Variants in HEPH observed in about 807,000 individuals in gnomAD.
HEPH encodes hephaestin.
Under a neutral mutation model 80.8 loss-of-function variants are expected in HEPH, and 69 were observed. That is an observed-to-expected ratio of 0.85 (90% CI 0.70 to 1.04). HEPH has a LOEUF of 1.04. Among genes scored for constraint, HEPH ranks in the 50% least tolerant of loss-of-function variants. The pLI is 0.00. For missense variants in HEPH, 1,115 were observed against 891.3 expected, an observed-to-expected ratio of 1.25 and a Z score of -3.20; for synonymous variants, 431 against 322.8, an observed-to-expected ratio of 1.34 and a Z score of -3.60.
chrX:66,165,078 C>T (rs1315636236), intron 1 of HEPH, among the ~76,000 whole-genome samples: 1 of 111,678 alleles, frequency 9.0e-6, no homozygotes, highest in Non-Finnish European at 1.9e-5. Context: ...AAGATGGTTT[C>T]TAAAGGTTTC....
chrX:66,232,588 A>G (rs1454645305), intron 15 of HEPH, among the ~76,000 whole-genome samples: 1 of 111,111 alleles, frequency 9.0e-6, no homozygotes, highest in Non-Finnish European at 1.9e-5. Context: ...ATGTGGTGCA[A>G]TGGGGGCATA....
Position 66,192,313 on chromosome X carries a change from G to A in HEPH, c.1232+15G>A. The A allele has an allele frequency of 2.5e-6, 3 of 1,183,824 alleles. No homozygotes were observed. Among genetic ancestry groups the A allele is most frequent in the South Asian group, 1.8e-5 (1 of 54,551 alleles). The stretch of plus-strand genomic sequence containing the variant: ...GAGCCAGGCAGGTAAGAGGCAGTGG[G>A]ATCCCTCTCTTTAATTCTTTAATTG... On this transcript the variant is annotated intron_variant, in intron 7 of 20. Coordinates refer to ENST00000343002, the MANE Select transcript of HEPH (RefSeq NM_001367233.3).
intron 6 of HEPH, 37 bp downstream of exon 6, chrX:66,189,975 G>C (rs751534885): frequency 7.9e-6 from 9 of 1,142,873 alleles, no homozygotes; most frequent in Middle Eastern, 2.4e-4. Flanking sequence ...GGTTGTAAGA[G>C]AGAGGTATGA....
intron 15 of HEPH, among the ~76,000 whole-genome samples, chrX:66,234,133 C>T (rs2148033139): frequency 9.0e-6 from 1 of 110,920 alleles, no homozygotes; most frequent in Non-Finnish European, 1.9e-5. Flanking sequence ...TATCATTTAG[C>T]TCCCACTTAT....
At position 66,200,800 on chromosome X, in the gene HEPH, C is replaced by T. The variant is rs201505891; in HGVS notation, c.2077+48C>T. The stretch of plus-strand genomic sequence containing the variant: ...CTAGAGGCTTTGTTGGGTATAGGGC[C>T]AGGAATGGGGTCGGGAAGAGGGAGG... On this transcript the variant is annotated intron_variant, in intron 12 of 20. Coordinates refer to ENST00000343002, the MANE Select transcript of HEPH (RefSeq NM_001367233.3). The T allele has an allele frequency of 4.9e-5, 50 of 1,020,533 alleles. No homozygotes were observed. In the Admixed American group the frequency reaches 1.1e-3, roughly 23 times the overall value. The allele number at this position is 1,020,533 out of a possible 1,213,427, so 84.1% of individuals were successfully genotyped here.
intron 15 of HEPH, among the ~76,000 whole-genome samples, chrX:66,214,144 C>A (rs767668540): frequency 1.8e-5 from 2 of 111,561 alleles, no homozygotes; most frequent in South Asian, 7.6e-4. Flanking sequence ...TGAGAGTCAT[C>A]AGCATGTAGA....
At chrX:66,251,467 AT>A (rs1054473631) in intron 15 of HEPH, among the ~76,000 whole-genome samples, 1 of 112,036 alleles carries the variant, frequency 8.9e-6, no homozygotes, top group African/African-American at 3.2e-5. Flanking sequence ...TTTAACATCT[AT>A]CATATGTTTA....
Position 66,164,330 on chromosome X carries a change from T to C in HEPH, c.-154T>C. 1.3e-6 allele frequency: 1 copy of C among 753,799 alleles called. No homozygotes were observed. 62.1% of individuals were successfully genotyped at this position (753,799 alleles called of 1,213,427 possible). A position where few individuals can be genotyped will look rare whatever the true frequency, so the allele number is the denominator to read the frequency against. On this transcript the variant is annotated 5_prime_UTR_variant, in exon 1 of 21. Transcript: ENST00000343002. ...TCCCATCCCAGTAAACCCTGCCAAA[T>C]TGGAATCCTGGACTTAATTTAGGAG...
chrX:66,225,653 C>A (rs563830046), intron 15 of HEPH, among the ~76,000 whole-genome samples: 2 of 112,531 alleles, frequency 1.8e-5, no homozygotes, highest in South Asian at 7.4e-4. Context: ...CAGGGGCCTG[C>A]CATGCGCTGC....
rs1308465663 is a variant in HEPH, at chrX:66,256,120, C to T, written c.2686C>T (p.Leu896=). The change falls in exon 17 of 21, where the codon CTG becomes TTG. Residue 896 remains leucine (L), a synonymous_variant. Transcript: ENST00000343002. ...VDPIKDMYSG[L]VGPLAICQKG... ...CCTTCCTCAGGACATGTATAGTGGC[C>T]TGGTGGGGCCCTTGGCTATCTGCCA... 8.3e-7 allele frequency: 1 copy of T among 1,208,775 alleles called. No homozygotes were observed. Among genetic ancestry groups the T allele is most frequent in the Non-Finnish European group, 1.1e-6 (1 of 893,110 alleles).
chrX:66,227,830 G>T (rs914422924), intron 15 of HEPH, among the ~76,000 whole-genome samples: 1 of 111,117 alleles, frequency 9.0e-6, no homozygotes, highest in Non-Finnish European at 1.9e-5. Context: ...TGGGTAATGT[G>T]ATTCCTCCAG....
Position 66,263,629 on chromosome X carries a change from T to C in HEPH, c.3200-15T>C. The C allele has an allele frequency of 8.3e-7, 1 of 1,209,595 alleles. No homozygotes were observed. Among genetic ancestry groups the C allele is most frequent in the Non-Finnish European group, 1.1e-6 (1 of 894,001 alleles). On this transcript the variant is annotated splice_polypyrimidine_tract_variant and intron_variant, in intron 19 of 20. Coordinates refer to ENST00000343002, the MANE Select transcript of HEPH (RefSeq NM_001367233.3). ...ACAATAAGGCTAACCTCTTGTCTTT[T>C]TTCCCCCCAACCAGAACACTTAAGC...
intron 13 of HEPH, among the ~76,000 whole-genome samples, chrX:66,204,900 G>C (rs935348149): frequency 8.9e-6 from 1 of 111,835 alleles, no homozygotes; most frequent in Non-Finnish European, 1.9e-5. Context: ...TAGGGCCCAA[G>C]TGAGAATGGT....
At chrX:66,211,647 C>T (rs2089127454) in intron 15 of HEPH, among the ~76,000 whole-genome samples, 1 of 111,563 alleles carries the variant, frequency 9.0e-6, no homozygotes, top group African/African-American at 3.3e-5. Context: ...CATTTCCATC[C>T]ATGTTGCTGC....
intron 15 of HEPH, among the ~76,000 whole-genome samples, chrX:66,243,798 G>A (rs2090700770): frequency 8.9e-6 from 1 of 112,353 alleles, no homozygotes; most frequent in Admixed American, 9.4e-5. Context: ...GTGGTCATTG[G>A]TAAGGGTCTT....
intron 8 of HEPH, 94 bp downstream of exon 8, chrX:66,193,732 T>C (rs1277142805): frequency 6.9e-5 from 42 of 605,502 alleles, no homozygotes; most frequent in Non-Finnish European, 9.5e-5. Context: ...TAGGAGCACA[T>C]TGTAGACCAG....
intron 9 of HEPH, among the ~76,000 whole-genome samples, chrX:66,196,704 C>G (rs1334487242): frequency 8.9e-6 from 1 of 111,824 alleles, no homozygotes; most frequent in Non-Finnish European, 1.9e-5. Flanking sequence ...CTCATCAGCA[C>G]TGGGGAAATC....
intron 12 of HEPH, among the ~76,000 whole-genome samples, chrX:66,202,744 T>G (rs2088527955): frequency 9.1e-6 from 1 of 110,020 alleles, no homozygotes; most frequent in Non-Finnish European, 1.9e-5. Flanking sequence ...ATTTACTTAT[T>G]TATAGCATCA....
At chrX:66,264,811 T>C (rs973750615) in intron 20 of HEPH, among the ~76,000 whole-genome samples, 5 of 105,889 alleles carry the variant, frequency 4.7e-5, no homozygotes, top group Non-Finnish European at 3.9e-5. Context: ...ATATATTATA[T>C]ATATATATTT....
Sources: allele counts gnomAD v4.1 joint callset (sites outside exome capture counted in the v4.1 genomes callset), GRCh38; gene constraint gnomAD v4.1.1; transcripts MANE v1.5; gene names NCBI Gene and HGNC (gene_info 2026-07-23, HGNC 2026-07-21).